Variants in KCNQ5 observed in about 807,000 individuals in gnomAD.
KCNQ5 encodes the protein potassium voltage-gated channel subfamily KQT member 5.
In KCNQ5, 30 loss-of-function variants were observed where a neutral mutation model predicts 98.2. The ratio of observed to expected loss-of-function variants is 0.31; its 90% CI spans 0.23 to 0.41. The LOEUF is 0.41. Ranked by LOEUF, KCNQ5 falls within the 10% of genes least tolerant of loss-of-function variation. The pLI is 1.00. For synonymous variants in KCNQ5, 458 were observed against 449.4 expected (o/e 1.02, Z -0.24); for missense variants, 835 against 1,182.5 (o/e 0.71, Z 4.31).
At chr6:73,066,749 A>G (rs760066742) in intron 3 of KCNQ5, among the ~76,000 whole-genome samples, 1 of 152,242 alleles carries the variant, frequency 6.6e-6, no homozygotes, top group Non-Finnish European at 1.5e-5. Flanking sequence ...TGGCGAACAG[A>G]TAATTAAACT....
At chr6:72,770,620 T>G (rs1306709139) in intron 1 of KCNQ5, among the ~76,000 whole-genome samples, 1 of 152,164 alleles carries the variant, frequency 6.6e-6, no homozygotes, top group Non-Finnish European at 1.5e-5. Context: ...AAAACATTAT[T>G]CATATATGTG....
intron 1 of KCNQ5, among the ~76,000 whole-genome samples, chr6:72,762,545 A>C (rs1772342756): frequency 6.6e-6 from 1 of 152,092 alleles, no homozygotes; most frequent in African/African-American, 2.4e-5. Flanking sequence ...ATGGTTAAAC[A>C]ATGCTTGACA....
In KCNQ5 at chr6:72,968,006, G is replaced by A. The variant is rs184792414; in HGVS notation, c.399-35902G>A. On this transcript the variant is annotated intron_variant, in intron 1 of 13. Transcript: ENST00000370398. ...GACCCTCACTGTCTCTTCCTCATTC[G>A]CAGGGCCACTTCTCCTTAGCGACCC... 7.7e-4 allele frequency among the ~76,000 whole-genome samples: 117 copies of A among 152,048 alleles called. 1 individual carries two copies. The highest frequency in any genetic ancestry group is 7.4e-3 in the Admixed American group (113 of 15,254).
chr6:72,803,052 T>A (rs1774742512), intron 1 of KCNQ5, among the ~76,000 whole-genome samples: 1 of 152,158 alleles, frequency 6.6e-6, no homozygotes, highest in Non-Finnish European at 1.5e-5. Flanking sequence ...CACCAGGACA[T>A]TTGTTCAGGC....
At chr6:72,684,493 C>T (rs1386638474) in intron 1 of KCNQ5, among the ~76,000 whole-genome samples, 1 of 152,238 alleles carries the variant, frequency 6.6e-6, no homozygotes, top group African/African-American at 2.4e-5. Context: ...TTGAGATAGA[C>T]TTGCCTCTGC....
intron 9 of KCNQ5, among the ~76,000 whole-genome samples, chr6:73,130,150 A>G (rs1020104316): frequency 2.6e-5 from 4 of 152,248 alleles, no homozygotes; most frequent in Admixed American, 1.3e-4. Context: ...GTTATGGCTC[A>G]GTTGCCATAT....
chr6:72,968,800 G>A (rs760370748), intron 1 of KCNQ5, among the ~76,000 whole-genome samples: 25 of 151,998 alleles, frequency 1.6e-4, no homozygotes, highest in Non-Finnish European at 2.4e-4. Flanking sequence ...ATAATATCTC[G>A]GCCAAAAATA....
intron 1 of KCNQ5, among the ~76,000 whole-genome samples, chr6:72,999,290 G>A (rs1769453186): frequency 1.3e-5 from 2 of 152,122 alleles, no homozygotes; most frequent in Non-Finnish European, 1.5e-5. Flanking sequence ...AGTCCTTTGA[G>A]TTGGTAATAT....
intron 10 of KCNQ5, among the ~76,000 whole-genome samples, chr6:73,159,580 C>A (rs1777528111): frequency 6.6e-6 from 1 of 152,180 alleles, no homozygotes; most frequent in Non-Finnish European, 1.5e-5. Flanking sequence ...CCAGCAATGT[C>A]AAAGTGTACC....
chr6:73,041,940 T>C lies in KCNQ5; in HGVS notation c.494T>C (p.Phe165Ser). Residue 165 changes from phenylalanine to serine, a missense_variant, in exon 3 of 14, where the codon TTC (phenylalanine) becomes TCC (serine). Phe to Ser is a radical substitution (Grantham distance 155, BLOSUM62 -2). Transcript: ENST00000370398. ...ATGTCTTATCTGATATTTTAGGAGT[T>C]CGTGATGATTGTCGTCTTTGGTTTG... ...LASSCLLILE[F>S]VMIVVFGLEF... The C allele has an allele frequency of 6.2e-7, 1 of 1,613,868 alleles. No homozygotes were observed. Among genetic ancestry groups the C allele is most frequent in the Non-Finnish European group, 8.5e-7 (1 of 1,179,756 alleles).
chr6:72,840,608 C>T (rs942536957), intron 1 of KCNQ5, among the ~76,000 whole-genome samples: 5 of 152,216 alleles, frequency 3.3e-5, no homozygotes, highest in African/African-American at 1.2e-4. Context: ...TGTTCACTCT[C>T]CAAGCCCCCC....
rs191864360 is a variant in KCNQ5, at chr6:72,657,764, A to G, written c.398+35177A>G. Among the ~76,000 whole-genome samples, 214 of 152,346 alleles carry G rather than the reference A, an allele frequency of 1.4e-3. 1 individual carries two copies. The South Asian group carries it at 0.016, about 11-fold the overall frequency. Reference sequence around the variant, plus strand: ...CAGCTTTTATATTTGTCGAACTTGTATAATTGTTACAATTTTATAAGAGAA... The same window carrying G: ...CAGCTTTTATATTTGTCGAACTTGTGTAATTGTTACAATTTTATAAGAGAA... On this transcript the variant is annotated intron_variant, in intron 1 of 13. Coordinates refer to ENST00000370398, the MANE Select transcript of KCNQ5 (RefSeq NM_019842.4).
chr6:73,188,603 A>G lies in KCNQ5; in HGVS notation c.1578-1970A>G, dbSNP rs904264706. On this transcript the variant is annotated intron_variant, in intron 11 of 13. Coordinates refer to ENST00000370398, the MANE Select transcript of KCNQ5 (RefSeq NM_019842.4). ...TTCAACAAATATTTTTTACTGTGTC[A>G]GAAACTGTGCGAAGCTCTAAGCACA... Among the ~76,000 whole-genome samples the G allele has an allele frequency of 2.6e-5, 4 of 152,178 alleles. No individual in the cohort carries two copies. In the South Asian group the frequency reaches 8.3e-4, roughly 32 times the overall value.
chr6:72,858,359 G>A (rs1207084387), intron 1 of KCNQ5, among the ~76,000 whole-genome samples: 1 of 152,016 alleles, frequency 6.6e-6, no homozygotes, highest in African/African-American at 2.4e-5. Flanking sequence ...GAGATCAGAT[G>A]TTCCTGTGTT....
At chr6:72,707,720 ACTT>A (rs1218510176) in intron 1 of KCNQ5, among the ~76,000 whole-genome samples, 1 of 152,076 alleles carries the variant, frequency 6.6e-6, no homozygotes, top group Non-Finnish European at 1.5e-5. Flanking sequence ...CAGACACAGA[ACTT>A]CTTTTATTTT....
intron 7 of KCNQ5, 94 bp downstream of exon 7, chr6:73,111,497 C>G: frequency 1.2e-6 from 1 of 817,966 alleles, no homozygotes; most frequent in Non-Finnish European, 2.0e-6. Context: ...CTTGGTAGAA[C>G]TACTGCTTTG....
At chr6:72,774,470 G>A (rs1773063952) in intron 1 of KCNQ5, among the ~76,000 whole-genome samples, 1 of 152,068 alleles carries the variant, frequency 6.6e-6, no homozygotes, top group African/African-American at 2.4e-5. Flanking sequence ...AAAATAAGAT[G>A]TGCTATATTA....
At chr6:73,033,085 C>A (rs991577959) in intron 2 of KCNQ5, among the ~76,000 whole-genome samples, 1 of 152,088 alleles carries the variant, frequency 6.6e-6, no homozygotes, top group African/African-American at 2.4e-5. Flanking sequence ...CAAGAGAGGA[C>A]GGAAGTCCTC....
chr6:73,009,762 A>G (rs574583658), intron 2 of KCNQ5, among the ~76,000 whole-genome samples: 4 of 152,300 alleles, frequency 2.6e-5, no homozygotes, highest in South Asian at 2.1e-4. Context: ...ATGCCAACAC[A>G]TTGGAAATCT....
Sources: allele counts gnomAD v4.1 joint callset (sites outside exome capture counted in the v4.1 genomes callset), GRCh38; gene constraint gnomAD v4.1.1; transcripts MANE v1.5; gene names NCBI Gene and HGNC (gene_info 2026-07-23, HGNC 2026-07-21).